The following B4GALT5 variants were observed in gnomAD, a reference collection of about 807,000 sequenced individuals.
B4GALT5 encodes the protein UDP-Gal:beta-GlcNAc beta-1,4-galactosyltransferase 5.
In B4GALT5, 11 loss-of-function variants were observed where a neutral mutation model predicts 45.0. That is an observed-to-expected ratio of 0.24 (90% confidence interval 0.15 to 0.40). The LOEUF (loss-of-function observed/expected upper bound fraction) is 0.40, where lower values mean the gene tolerates loss of function less well. Ranked by LOEUF, B4GALT5 falls within the 10% of genes least tolerant of loss-of-function variation. The pLI is 1.00. For synonymous variants in B4GALT5, 185 were observed against 182.9 expected (o/e 1.01, Z -0.09); for missense variants, 337 against 500.2 (o/e 0.67, Z 3.11).
At chr20:49,666,964 C>A (rs1335033102) in intron 1 of B4GALT5, among the ~76,000 whole-genome samples, 1 of 152,134 alleles carries the variant, frequency 6.6e-6, no homozygotes, top group Non-Finnish European at 1.5e-5. Flanking sequence ...GTGCCAGCAC[C>A]TTTCCAAATG....
intron 5 of B4GALT5, 103 bp from the exon 6 acceptor site, chr20:49,640,768 C>T: frequency 1.6e-6 from 2 of 1,218,842 alleles, no homozygotes; most frequent in South Asian, 3.3e-5. Flanking sequence ...TGGAAAAGAT[C>T]ACTGGGCTAG....
At chr20:49,636,603 C>T in intron 8 of B4GALT5, 144 bp from the exon 9 acceptor site, 1 of 870,330 alleles carries the variant, frequency 1.1e-6, no homozygotes, top group Non-Finnish European at 1.7e-6. Flanking sequence ...ACGGCCAATT[C>T]TGCTATGCCA....
At chr20:49,678,915 G>C (rs776479893) in intron 1 of B4GALT5, among the ~76,000 whole-genome samples, 2 of 151,962 alleles carry the variant, frequency 1.3e-5, no homozygotes, top group Non-Finnish European at 2.9e-5. Context: ...GAATCCCCAG[G>C]GTTCCTGGAG....
At chr20:49,639,856 C>A in intron 6 of B4GALT5, 56 bp from the exon 7 acceptor site, 1 of 1,592,064 alleles carries the variant, frequency 6.3e-7, no homozygotes, top group South Asian at 1.1e-5. Flanking sequence ...ACTGTTTTCC[C>A]TAGAAGGTTC....
chr20:49,708,222 G>A (rs186613220), intron 1 of B4GALT5, among the ~76,000 whole-genome samples: 98 of 152,216 alleles, frequency 6.4e-4, no homozygotes, highest in African/African-American at 2.3e-3. Flanking sequence ...TCCAGCCTGG[G>A]TGACAGAGCG....
chr20:49,639,325 A>G lies in B4GALT5; in HGVS notation c.917+353T>C, dbSNP rs978163216. Among the ~76,000 whole-genome samples, 8 of 152,060 alleles carry G rather than the reference A, an allele frequency of 5.3e-5. No homozygotes were observed. The East Asian group carries it at 9.6e-4, about 18-fold the overall frequency. On this transcript the variant is annotated intron_variant, in intron 7 of 8. Transcript: ENST00000371711. Reference sequence around the variant, plus strand: ...GATATTAAGATATTTTTAAATTAAGATTAAAGATATTTTCTAAAAACTTGG... The same window carrying G: ...GATATTAAGATATTTTTAAATTAAGGTTAAAGATATTTTCTAAAAACTTGG...
At position 49,713,666 on chromosome 20, in the gene B4GALT5, G is replaced by C. The variant is rs898824441; in HGVS notation, c.25C>G (p.Arg9Gly). The change falls in exon 1 of 9, where the codon CGG becomes GGG. Residue 9 changes from arginine to glycine, a missense_variant. Arg to Gly is a moderately radical substitution (Grantham distance 125). Transcript: ENST00000371711. The stretch of plus-strand genomic sequence containing the variant: ...GCGAGCAGCGAGCGGCGCGGCAGCC[G>C]CAGCAGCCCCCGGCGGGCGCGCATG... MRARRGLL[R>G]LPRRSLLAAL... The C allele has an allele frequency of 1.1e-5, 17 of 1,544,002 alleles. No homozygotes were observed. The highest frequency in any genetic ancestry group is 1.5e-5 in the Non-Finnish European group (17 of 1,145,336).
intron 1 of B4GALT5, among the ~76,000 whole-genome samples, chr20:49,711,738 A>G (rs939316943): frequency 2.0e-5 from 3 of 152,208 alleles, no homozygotes; most frequent in African/African-American, 7.2e-5. Flanking sequence ...TCGTGATGAC[A>G]CTTTGTAAAC....
intron 3 of B4GALT5, among the ~76,000 whole-genome samples, chr20:49,646,006 T>G (rs997707613): frequency 2.0e-5 from 3 of 151,954 alleles, no homozygotes; most frequent in Admixed American, 2.0e-4. Flanking sequence ...GGCAACATAG[T>G]AACACCCCAT....
In B4GALT5 at chr20:49,643,571, C is replaced by T. The variant is rs1383094060; in HGVS notation, c.444G>A (p.Lys148=). ...CAGAAGGCTTCCAGTGACCTCCGAG[C>T]TTGATGGTTGGGTCTTTGGAGAAGA... ...HELFSKDPTI[K]LGGHWKPSDC... is the part of the protein sequence containing the mutation. The change falls in exon 4 of 9, where the codon AAG becomes AAA. Residue 148 remains lysine, a synonymous_variant. Transcript: ENST00000371711. 2.5e-6 allele frequency: 4 copies of T among 1,614,002 alleles called. No individual in the cohort carries two copies. Among genetic ancestry groups the T allele is most frequent in the African/African-American group, 1.3e-5 (1 of 74,996 alleles).
rs1201091006 is a variant in B4GALT5 at position 49,634,606 on chromosome 20, A to G, written c.*1706T>C. On this transcript the variant is annotated 3_prime_UTR_variant, in exon 9 of 9. Coordinates refer to ENST00000371711, the MANE Select transcript of B4GALT5 (RefSeq NM_004776.4). ...TGGGCGCAATGGCTCACACCCGCCC[A>G]TAATCCCAGCACTTTGGGAAGTCAA... 1.3e-5 allele frequency: 2 copies of G among 152,184 alleles called. No individual in the cohort carries two copies. The highest frequency in any genetic ancestry group is 2.9e-5 in the Non-Finnish European group (2 of 68,030). The allele number at this position is 152,184 out of a possible 1,614,324, so 9.4% of individuals were successfully genotyped here. A position where few individuals can be genotyped will look rare whatever the true frequency, so the allele number is the denominator to read the frequency against.
At chr20:49,708,651 T>C (rs2085894803) in intron 1 of B4GALT5, among the ~76,000 whole-genome samples, 1 of 152,072 alleles carries the variant, frequency 6.6e-6, no homozygotes, top group Non-Finnish European at 1.5e-5. Context: ...GAATTTCAAT[T>C]AATAAAATGT....
At chr20:49,645,000 A>C (rs1339408909) in intron 3 of B4GALT5, among the ~76,000 whole-genome samples, 1 of 152,230 alleles carries the variant, frequency 6.6e-6, no homozygotes, top group African/African-American at 2.4e-5. Flanking sequence ...ATAAGAGTTT[A>C]CTGTCCTTGT....
rs1205604965 is a variant in B4GALT5, at chr20:49,706,456, T to G, written c.115+7120A>C. ...TGACTCAACTTGACTTATATGATCATCTATAAATTGACAGATGTAGTCAAA... is the reference window on the plus strand; with the variant it reads ...TGACTCAACTTGACTTATATGATCAGCTATAAATTGACAGATGTAGTCAAA... On this transcript the variant is annotated intron_variant, in intron 1 of 8. Transcript: ENST00000371711. Among the ~76,000 whole-genome samples, 5 of 152,308 alleles carry G rather than the reference T, an allele frequency of 3.3e-5. No homozygotes were observed. The South Asian group carries it at 1.0e-3, about 32-fold the overall frequency.
In B4GALT5 at chr20:49,635,377, G is replaced by A. The variant is rs2085547576; in HGVS notation, c.*935C>T. ...GCAGCCTCCCGCTTAGCGGAGAGTG[G>A]GATGAGCACATGCGCGGCCGACAGG... On this transcript the variant is annotated 3_prime_UTR_variant, in exon 9 of 9. Coordinates refer to ENST00000371711, the MANE Select transcript of B4GALT5 (RefSeq NM_004776.4). 6.6e-6 allele frequency: 1 copy of A among 152,240 alleles called. No individual in the cohort carries two copies. Among genetic ancestry groups the A allele is most frequent in the Admixed American group, 6.5e-5 (1 of 15,270 alleles). The allele number at this position is 152,240 out of a possible 1,614,324, so 9.4% of individuals were successfully genotyped here.
chr20:49,706,923 A>G (rs1238789263), intron 1 of B4GALT5, among the ~76,000 whole-genome samples: 1 of 152,206 alleles, frequency 6.6e-6, no homozygotes, highest in Non-Finnish European at 1.5e-5. Context: ...AGTCAATTGT[A>G]TTCTGGCCTT....
At chr20:49,663,786 C>T (rs1178587645) in intron 1 of B4GALT5, among the ~76,000 whole-genome samples, 3 of 146,592 alleles carry the variant, frequency 2.0e-5, no homozygotes, top group East Asian at 2.0e-4. Flanking sequence ...TCTAATAATA[C>T]ATTGTACTGA....
intron 1 of B4GALT5, chr20:49,684,642 A>G (rs1372426016): frequency 1.9e-6 from 1 of 518,810 alleles, no homozygotes; most frequent in African/African-American, 1.9e-5. Flanking sequence ...AGTGCCATAC[A>G]GTAAGTACTG....
At chr20:49,690,158 T>C (rs1209580058) in intron 1 of B4GALT5, among the ~76,000 whole-genome samples, 2 of 151,614 alleles carry the variant, frequency 1.3e-5, no homozygotes, top group Non-Finnish European at 2.9e-5. Context: ...CACACACCAC[T>C]ACACCTGGCT....
Sources: gnomAD v4.1 joint callset for allele counts (sites outside exome capture counted in the v4.1 genomes callset) on GRCh38, gnomAD v4.1.1 for gene constraint, MANE v1.5 for transcripts, NCBI Gene and HGNC (gene_info 2026-07-23, HGNC 2026-07-21) for gene names.